FAM20B: variants seen among roughly 807,000 people sequenced by gnomAD.
FAM20B encodes the protein FAM20B glycosaminoglycan xylosylkinase.
A neutral mutation model predicts 43.8 loss-of-function variants in FAM20B; 23 were observed. The observed-to-expected ratio is 0.53, with a 90% confidence interval of 0.38 to 0.74. FAM20B has a LOEUF of 0.74. Ranked by LOEUF, FAM20B falls within the 30% of genes least tolerant of loss-of-function variation. The probability of loss-of-function intolerance (pLI) is 0.00; values close to 1 mark genes in which losing one functional copy is unlikely to be tolerated. For synonymous variants in FAM20B, 178 were observed against 192.4 expected (o/e 0.93, Z 0.62); for missense variants, 440 against 510.5 (o/e 0.86, Z 1.33).
At chr1:179,047,600 AGGTG>A (rs1650829800) in intron 2 of FAM20B, among the ~76,000 whole-genome samples, 1 of 152,194 alleles carries the variant, frequency 6.6e-6, no homozygotes. Context: ...CCCCTGCCAT[AGGTG>A]CTAACTCTCT....
At position 179,072,717 on chromosome 1, in the gene FAM20B, G is replaced by A. The variant is rs1250512068; in HGVS notation, c.*573G>A. 1 of 152,622 alleles carries A rather than the reference G, an allele frequency of 6.6e-6. No homozygotes were observed. Among genetic ancestry groups the A allele is most frequent in the Non-Finnish European group, 1.5e-5 (1 of 68,370 alleles). 9.5% of individuals were successfully genotyped at this position (152,622 alleles called of 1,614,324 possible). On this transcript the variant is annotated 3_prime_UTR_variant, in exon 8 of 8. Transcript: ENST00000263733. ...GAGGGAAGGACAAAAACAGAAAAAT[G>A]TTTGGGCTTTTAAGCCATTGGGTAG...
At position 179,044,193 on chromosome 1, in the gene FAM20B, G is replaced by A. The variant is rs749646614; in HGVS notation, c.346G>A (p.Gly116Arg). The A allele has an allele frequency of 2.4e-5, 38 of 1,611,232 alleles. No homozygotes were observed. The highest frequency in any genetic ancestry group is 3.1e-5 in the Non-Finnish European group (37 of 1,178,352). Residue 116 changes from glycine (G) to arginine (R), a missense_variant, in exon 2 of 8, where the codon GGA becomes AGA. By Grantham distance (125) the Gly-to-Arg change is moderately radical (BLOSUM62 -2). Coordinates refer to ENST00000263733, the MANE Select transcript of FAM20B (RefSeq NM_014864.4). ...TQLKALLILE[G>R]GQKVVFKPKR... ...GCTGAAAGCCTTACTGATACTTGAA[G>A]GAGGCCAGAAAGTTGTTTTCAAACC...
chr1:179,039,028 A>T (rs897196411), intron 1 of FAM20B, among the ~76,000 whole-genome samples: 2 of 152,214 alleles, frequency 1.3e-5, no homozygotes, highest in Non-Finnish European at 2.9e-5. Flanking sequence ...AGTTGTTATT[A>T]AGGGAGCAGT....
rs1246745990 is a variant in FAM20B, at chr1:179,074,817, A to G, written c.*2673A>G. ...TGGAGTAAGCTGGAAAAGTATGTTT[A>G]GGCAAATCTTGGAGAAAACCAACCA... On this transcript the variant is annotated 3_prime_UTR_variant, in exon 8 of 8. Coordinates refer to ENST00000263733, the MANE Select transcript of FAM20B (RefSeq NM_014864.4). 1 of 152,240 alleles carries G rather than the reference A, an allele frequency of 6.6e-6. No homozygotes were observed. The highest frequency in any genetic ancestry group is 1.5e-5 in the Non-Finnish European group (1 of 68,036). 9.4% of individuals were successfully genotyped at this position (152,240 alleles called of 1,614,324 possible).
intron 6 of FAM20B, among the ~76,000 whole-genome samples, chr1:179,065,516 T>C (rs1651654629): frequency 6.6e-6 from 1 of 152,310 alleles, no homozygotes; most frequent in Middle Eastern, 3.4e-3. Context: ...ACTGTTAACA[T>C]TGGTTGTTGG....
intron 6 of FAM20B, 84 bp downstream of exon 6, chr1:179,064,580 C>A: frequency 1.8e-6 from 2 of 1,107,106 alleles, no homozygotes; most frequent in South Asian, 1.6e-5. Context: ...TGGAGAATAT[C>A]CAGAATGCAA....
rs1326037555 is a variant in FAM20B, at chr1:179,025,998, C to G, written c.-234C>G. 6.8e-6 allele frequency: 1 copy of G among 146,356 alleles called. No homozygotes were observed. The highest frequency in any genetic ancestry group is 1.5e-5 in the Non-Finnish European group (1 of 65,624). 9.1% of individuals were successfully genotyped at this position (146,356 alleles called of 1,614,324 possible). A position where few individuals can be genotyped will look rare whatever the true frequency, so the allele number is the denominator to read the frequency against. ...GGCGGCGGCGGCTGGGGGCGGTGAGCGCGGCGTGGGGCTGCCCCTCCCCGG... is the reference window on the plus strand; with the variant it reads ...GGCGGCGGCGGCTGGGGGCGGTGAGGGCGGCGTGGGGCTGCCCCTCCCCGG... On this transcript the variant is annotated 5_prime_UTR_variant, in exon 1 of 8. Coordinates refer to ENST00000263733, the MANE Select transcript of FAM20B (RefSeq NM_014864.4).
intron 4 of FAM20B, 89 bp downstream of exon 4, chr1:179,054,727 G>A: frequency 1.3e-6 from 1 of 754,882 alleles, no homozygotes; most frequent in Non-Finnish European, 2.2e-6. Flanking sequence ...ATGACTTTTA[G>A]GAATTGAAGA....
At chr1:179,036,201 A>T (rs1244810903) in intron 1 of FAM20B, among the ~76,000 whole-genome samples, 2 of 152,156 alleles carry the variant, frequency 1.3e-5, no homozygotes, top group Admixed American at 1.3e-4. Context: ...CTCAGGTTGA[A>T]ACCAGGGTTC....
intron 4 of FAM20B, among the ~76,000 whole-genome samples, chr1:179,055,444 A>T (rs997082148): frequency 1.3e-5 from 2 of 152,300 alleles, no homozygotes; most frequent in East Asian, 3.9e-4. Context: ...ATGAGGAAAA[A>T]CTGAATATTT....
In FAM20B at chr1:179,050,333, C is replaced by A; in HGVS notation, c.432C>A (p.His144Gln). 1 of 1,613,972 alleles carries A rather than the reference C, an allele frequency of 6.2e-7. No homozygotes were observed. Among genetic ancestry groups the A allele is most frequent in the Non-Finnish European group, 8.5e-7 (1 of 1,179,852 alleles). ...AACCGTATGCTGGTTATGATAGACA[C>A]AATGCAGAGGTAGCAGCCTTTCACT... ...EGEPYAGYDRHNAEVAAFHLD... is the reference protein window; with the variant it reads ...EGEPYAGYDRQNAEVAAFHLD... Residue 144 changes from histidine (H) to glutamine (Q), a missense_variant, in exon 3 of 8, where the codon CAC (histidine) becomes CAA (glutamine). Transcript: ENST00000263733.
chr1:179,059,971 C>CA lies in FAM20B; in HGVS notation c.575-3940dup, dbSNP rs58295299. On this transcript the variant is annotated intron_variant, in intron 4 of 7. Transcript: ENST00000263733. ...TGGGAGACAGAGCAAGATTATGTCTCAAAAAAAAAAAAAAAATTCTGTGAA... is the reference window on the plus strand; with the variant it reads ...TGGGAGACAGAGCAAGATTATGTCTCAAAAAAAAAAAAAAAAATTCTGTGAA... Among the ~76,000 whole-genome samples, 1,143 of 121,246 alleles carry CA rather than the reference C, an allele frequency of 9.4e-3. 15 individuals carry two copies. Among genetic ancestry groups the CA allele is most frequent in the African/African-American group, 0.029 (939 of 32,190 alleles). The allele number at this position is 121,246 out of a possible 152,430, so 79.5% of individuals were successfully genotyped here.
intron 3 of FAM20B, among the ~76,000 whole-genome samples, chr1:179,053,578 G>A (rs1437342760): frequency 1.3e-5 from 2 of 152,124 alleles, no homozygotes; most frequent in African/African-American, 4.8e-5. Flanking sequence ...ACCTTCCCTT[G>A]CCTCTGGGGG....
At chr1:179,019,998 C>T in the FAM20B span, among the ~76,000 whole-genome samples, 1 of 152,154 alleles carries the variant, frequency 6.6e-6, no homozygotes, top group East Asian at 1.9e-4. Flanking sequence ...GGCTTATAGT[C>T]CCACTGTGTT....
At chr1:179,036,339 A>G (rs1054734945) in intron 1 of FAM20B, among the ~76,000 whole-genome samples, 1 of 152,058 alleles carries the variant, frequency 6.6e-6, no homozygotes, top group African/African-American at 2.4e-5. Context: ...AACACTTTTA[A>G]AGTTATGTTA....
intron 6 of FAM20B, among the ~76,000 whole-genome samples, chr1:179,064,871 A>G (rs1651624961): frequency 1.3e-5 from 2 of 152,148 alleles, no homozygotes; most frequent in African/African-American, 4.8e-5. Flanking sequence ...ATTCTATCCA[A>G]AGGTTCCTGC....
intron 7 of FAM20B, among the ~76,000 whole-genome samples, chr1:179,068,560 C>G (rs1391046940): frequency 1.3e-5 from 2 of 152,024 alleles, no homozygotes; most frequent in Admixed American, 6.6e-5. Context: ...GTCAGCCTCC[C>G]AAGTAGTTGG....
At chr1:179,069,642 G>T (rs770049752) in intron 7 of FAM20B, among the ~76,000 whole-genome samples, 3 of 152,180 alleles carry the variant, frequency 2.0e-5, no homozygotes, top group Non-Finnish European at 2.9e-5. Context: ...AAAGTGCTGG[G>T]ATTACAGGCA....
chr1:179,042,244 G>A (rs754187357), intron 1 of FAM20B, among the ~76,000 whole-genome samples: 3 of 152,262 alleles, frequency 2.0e-5, no homozygotes. Context: ...GCAGCAAGGG[G>A]TGTGTGGACA....
Sources: allele counts gnomAD v4.1 joint callset (sites outside exome capture counted in the v4.1 genomes callset), GRCh38; gene constraint gnomAD v4.1.1; transcripts MANE v1.5; gene names NCBI Gene and HGNC (gene_info 2026-07-23, HGNC 2026-07-21).